Variants in KCNK1 observed in about 807,000 individuals in gnomAD.
The protein encoded by KCNK1 is potassium two pore domain channel subfamily K member 1, also known as potassium channel subfamily K member 1.
Under a neutral mutation model 22.2 loss-of-function variants are expected in KCNK1, and 10 were observed. That is an observed-to-expected ratio of 0.45 (90% confidence interval 0.28 to 0.76). The LOEUF is 0.76. KCNK1 is among the 30% of genes least tolerant of loss of function. The pLI, the probability that KCNK1 is intolerant of heterozygous loss-of-function variation, is 0.14. For synonymous variants in KCNK1, 200 were observed against 186.4 expected (o/e 1.07, Z -0.60); for missense variants, 378 against 421.0 (o/e 0.90, Z 0.89).
intron 1 of KCNK1, among the ~76,000 whole-genome samples, chr1:233,633,854 C>G (rs1042994439): frequency 3.3e-5 from 5 of 152,084 alleles, no homozygotes; most frequent in African/African-American, 1.2e-4. Flanking sequence ...ACATTAGCCT[C>G]TAGCATGAGG....
chr1:233,620,180 A>G (rs1233830838), intron 1 of KCNK1, among the ~76,000 whole-genome samples: 1 of 152,228 alleles, frequency 6.6e-6, no homozygotes, highest in Non-Finnish European at 1.5e-5. Context: ...CTTCTGTATC[A>G]TTTATGACTG....
intron 1 of KCNK1, among the ~76,000 whole-genome samples, chr1:233,661,402 C>T (rs1216173259): frequency 1.3e-5 from 2 of 152,180 alleles, no homozygotes; most frequent in African/African-American, 2.4e-5. Context: ...CATTGCCTCT[C>T]TGTCTTTGCT....
At chr1:233,628,726 T>A (rs1657735619) in intron 1 of KCNK1, among the ~76,000 whole-genome samples, 1 of 143,260 alleles carries the variant, frequency 7.0e-6, no homozygotes, top group South Asian at 2.1e-4. Context: ...ACCACTGCAC[T>A]CCAAGCCTGG....
chr1:233,638,263 T>A (rs540917841), intron 1 of KCNK1, among the ~76,000 whole-genome samples: 94 of 152,252 alleles, frequency 6.2e-4, no homozygotes, highest in African/African-American at 2.1e-3. Context: ...CTGAAGCTCT[T>A]TCCTGAGGTC....
chr1:233,669,106 A>G (rs1658551607), intron 2 of KCNK1, among the ~76,000 whole-genome samples: 1 of 152,226 alleles, frequency 6.6e-6, no homozygotes. Context: ...GATGGCCAGT[A>G]GCATTAGAGA....
At chr1:233,618,276 G>T (rs184813397) in intron 1 of KCNK1, among the ~76,000 whole-genome samples, 1 of 152,206 alleles carries the variant, frequency 6.6e-6, no homozygotes, top group Admixed American at 6.5e-5. Flanking sequence ...TTATGAGAAT[G>T]AGTGAAACAC....
chr1:233,649,472 A>G (rs1169179173), intron 1 of KCNK1, among the ~76,000 whole-genome samples: 1 of 152,218 alleles, frequency 6.6e-6, no homozygotes, highest in Non-Finnish European at 1.5e-5. Context: ...CTACTCTTGC[A>G]TGAAGAAATA....
At chr1:233,668,677 C>T (rs1658541429) in intron 2 of KCNK1, among the ~76,000 whole-genome samples, 1 of 152,088 alleles carries the variant, frequency 6.6e-6, no homozygotes, top group Non-Finnish European at 1.5e-5. Context: ...ACGATCTCAG[C>T]TCACTGCAAC....
chr1:233,616,185 A>G (rs1289814703), intron 1 of KCNK1, among the ~76,000 whole-genome samples: 1 of 152,224 alleles, frequency 6.6e-6, no homozygotes, highest in Non-Finnish European at 1.5e-5. Context: ...GGGGCTACAG[A>G]AAGTTTACAA....
chr1:233,657,691 AAAG>A (rs947693763), intron 1 of KCNK1, among the ~76,000 whole-genome samples: 2 of 147,078 alleles, frequency 1.4e-5, no homozygotes, highest in African/African-American at 4.9e-5. Context: ...GAAAGAAAAG[AAAG>A]AAAGAGAAAT....
intron 1 of KCNK1, among the ~76,000 whole-genome samples, chr1:233,627,579 C>A (rs968603262): frequency 6.6e-6 from 1 of 151,238 alleles, no homozygotes; most frequent in East Asian, 2.0e-4. Flanking sequence ...CAGTCTGTCG[C>A]CCACGGGCCA....
chr1:233,647,226 T>C (rs1386324588), intron 1 of KCNK1, among the ~76,000 whole-genome samples: 1 of 152,232 alleles, frequency 6.6e-6, no homozygotes, highest in Non-Finnish European at 1.5e-5. Context: ...ATCCTCTTGG[T>C]ATTTTCCTGG....
At chr1:233,623,984 G>A (rs1230982850) in intron 1 of KCNK1, among the ~76,000 whole-genome samples, 1 of 152,228 alleles carries the variant, frequency 6.6e-6, no homozygotes. Context: ...AAGGGATTTA[G>A]AGAGAGTAAA....
intron 1 of KCNK1, among the ~76,000 whole-genome samples, chr1:233,643,900 G>T (rs1035492380): frequency 2.0e-5 from 3 of 152,092 alleles, no homozygotes; most frequent in Non-Finnish European, 4.4e-5. Context: ...ATTACCCGGG[G>T]TCCCACAATT....
intron 1 of KCNK1, among the ~76,000 whole-genome samples, chr1:233,665,417 G>A (rs1658471529): frequency 6.6e-6 from 1 of 152,290 alleles, no homozygotes; most frequent in South Asian, 2.1e-4. Flanking sequence ...CTGTTCACTC[G>A]GTAGTCAGAG....
intron 1 of KCNK1, among the ~76,000 whole-genome samples, chr1:233,634,149 T>C (rs1377115626): frequency 6.6e-6 from 1 of 151,748 alleles, no homozygotes; most frequent in Non-Finnish European, 1.5e-5. Context: ...CTACTAAAAA[T>C]ACAAAAATTA....
At chr1:233,647,988 A>G (rs905404297) in intron 1 of KCNK1, among the ~76,000 whole-genome samples, 7 of 152,220 alleles carry the variant, frequency 4.6e-5, no homozygotes, top group Non-Finnish European at 8.8e-5. Flanking sequence ...TGAATTGCTT[A>G]TAGCCTGGGA....
At chr1:233,618,780 A>G (rs1657528475) in intron 1 of KCNK1, among the ~76,000 whole-genome samples, 1 of 152,138 alleles carries the variant, frequency 6.6e-6, no homozygotes, top group South Asian at 2.1e-4. Context: ...GCTACTCAGG[A>G]GGCTGAGGTG....
Position 233,671,815 on chromosome 1 carries a change from A to G in KCNK1, c.*285A>G, listed in dbSNP as rs1658604632. On this transcript the variant is annotated 3_prime_UTR_variant, in exon 3 of 3. Transcript: ENST00000366621. ...ATAGGAGGAGAATACTTGAAGCAGT[A>G]TGCTGCTGTGGTTAGAAGCAGATTT... 2.5e-6 allele frequency: 1 copy of G among 392,680 alleles called. No individual in the cohort carries two copies. Among genetic ancestry groups the G allele is most frequent in the Non-Finnish European group, 4.6e-6 (1 of 217,342 alleles). The allele number at this position is 392,680 out of a possible 1,614,324, so 24.3% of individuals were successfully genotyped here.
Sources: allele counts gnomAD v4.1 joint callset (sites outside exome capture counted in the v4.1 genomes callset), GRCh38; gene constraint gnomAD v4.1.1; transcripts MANE v1.5; gene names NCBI Gene and HGNC (gene_info 2026-07-23, HGNC 2026-07-21).